The following CFAP74 variants were observed in gnomAD, a reference collection of about 807,000 sequenced individuals.
CFAP74 encodes the protein cilia- and flagella-associated protein 74.
In CFAP74, 124 loss-of-function variants were observed where a neutral mutation model predicts 188.9. The observed-to-expected ratio is 0.66, with a 90% confidence interval of 0.57 to 0.76. The LOEUF (loss-of-function observed/expected upper bound fraction) is 0.76. CFAP74 is among the 30% of genes least tolerant of loss of function. The pLI, the probability that CFAP74 is intolerant of heterozygous loss-of-function variation, is 0.00. For missense variants in CFAP74, 2,198 were observed against 2,165.2 expected (o/e 1.02, Z -0.30); for synonymous variants, 956 against 916.7 (o/e 1.04, Z -0.77).
Position 1,955,324 on chromosome 1 carries a change from C to T in CFAP74, c.2176+367G>A, listed in dbSNP as rs889598305. ...TTCTCGGCACCTCTCCCCGCTGGTG[C>T]GCGTCTAACAACAGCCACAGCTGCA... On this transcript the variant is annotated intron_variant, in intron 18 of 38. Coordinates refer to ENST00000682832, the MANE Select transcript of CFAP74 (RefSeq NM_001304360.2). The T allele has an allele frequency of 7.6e-6, 10 of 1,309,974 alleles. No individual in the cohort carries two copies. The African/African-American group carries it at 1.3e-4, about 18-fold the overall frequency. 81.1% of individuals were successfully genotyped at this position (1,309,974 alleles called of 1,614,324 possible).
At chr1:1,956,233 G>C (rs560570352) in intron 17 of CFAP74, among the ~76,000 whole-genome samples, 2 of 152,166 alleles carry the variant, frequency 1.3e-5, no homozygotes, top group African/African-American at 4.8e-5. Context: ...GACAAGACGC[G>C]CTCACACTTG....
chr1:1,981,913 G>A (rs1328143897), intron 6 of CFAP74, among the ~76,000 whole-genome samples: 2 of 65,100 alleles, frequency 3.1e-5, no homozygotes, highest in South Asian at 6.7e-4. Flanking sequence ...ACGGGGGCAC[G>A]CAGGACACAC....
chr1:1,946,931 G>C, intron 19 of CFAP74, 59 bp downstream of exon 19: 2 of 1,337,562 alleles, frequency 1.5e-6, no homozygotes, highest in East Asian at 2.5e-5. Context: ...GCTGGGGCTG[G>C]GGGAAGGTGG....
intron 2 of CFAP74, 38 bp from the exon 3 acceptor site, chr1:1,989,011 C>G (rs760504206): frequency 1.6e-5 from 15 of 951,186 alleles, no homozygotes; most frequent in Non-Finnish European, 2.3e-5. Flanking sequence ...AAAAAAAAAG[C>G]AGATCAAACA....
Position 1,923,509 on chromosome 1 carries a change from A to G in CFAP74, c.4390-10T>C. On this transcript the variant is annotated splice_polypyrimidine_tract_variant and intron_variant, in intron 35 of 38. Transcript: ENST00000682832. The surrounding 1 kb of genome is among the most constrained non-coding windows in gnomAD (Gnocchi z 6.3). ...TCTGGTGGGAGATTTTCTGGGGACA[A>G]GAAGTGGAGTGGCCTTGTCCCCGAA... 3 of 1,605,074 alleles carry G rather than the reference A, an allele frequency of 1.9e-6. No homozygotes were observed. In the East Asian group the frequency reaches 6.7e-5, roughly 36 times the overall value.
intron 18 of CFAP74, 66 bp downstream of exon 18, chr1:1,955,625 C>G: frequency 1.9e-6 from 3 of 1,613,154 alleles, no homozygotes; most frequent in Non-Finnish European, 2.5e-6. Flanking sequence ...CCCTCAGCCC[C>G]CTGGAATGCT....
In CFAP74 at chr1:1,923,459, T is replaced by C; in HGVS notation, c.4430A>G (p.Gln1477Arg). The change falls in exon 36 of 39, where the codon CAG becomes CGG. Residue 1477 changes from glutamine (Q) to arginine (R), a missense_variant. Physicochemically the swap from Gln to Arg is conservative, Grantham distance 43. Coordinates refer to ENST00000682832, the MANE Select transcript of CFAP74 (RefSeq NM_001304360.2). This position sits in a 1 kb window ranked among gnomAD's most constrained non-coding sequence, Gnocchi z 6.3. ...GCCGCCCTCCACGAACATCATGTGC[T>C]GACAGGCGGCACCCTTCAGCAGGAT... ...HQILLKGAAC[Q>R]HMMFVEGGDP... 6.2e-7 allele frequency: 1 copy of C among 1,611,830 alleles called. No homozygotes were observed. The highest frequency in any genetic ancestry group is 8.5e-7 in the Non-Finnish European group (1 of 1,179,508).
chr1:1,949,148 C>CCTTT (rs1250364955), intron 18 of CFAP74, among the ~76,000 whole-genome samples: 2 of 107,498 alleles, frequency 1.9e-5, no homozygotes, highest in East Asian at 3.3e-4. Context: ...TCCCTCCCTT[C>CCTTT]CTTCCCCTCC....
chr1:1,940,250 G>T, intron 23 of CFAP74, 66 bp downstream of exon 23: 2 of 1,286,616 alleles, frequency 1.6e-6, no homozygotes, highest in East Asian at 2.5e-5. Flanking sequence ...GCTGGGCCTG[G>T]CCTCCCAGGA....
chr1:1,975,182 C>A lies in CFAP74; in HGVS notation c.501-984G>T, dbSNP rs74827459. The stretch of plus-strand genomic sequence containing the variant: ...TCGTTAAAAGCTTTTCCTGTGGAGC[C>A]GAGTCCAGTCTCTCTCCCCACTGCA... On this transcript the variant is annotated intron_variant, in intron 6 of 38. Coordinates refer to ENST00000682832, the MANE Select transcript of CFAP74 (RefSeq NM_001304360.2). The surrounding 1 kb of genome is among the most constrained non-coding windows in gnomAD (Gnocchi z 4.5). 9.2e-4 allele frequency among the ~76,000 whole-genome samples: 140 copies of A among 152,344 alleles called. No individual in the cohort carries two copies. Among genetic ancestry groups the A allele is most frequent in the African/African-American group, 3.2e-3 (135 of 41,590 alleles).
intron 1 of CFAP74, 33 bp from the exon 2 acceptor site, chr1:1,991,008 A>G: frequency 7.2e-7 from 1 of 1,392,084 alleles, no homozygotes. Context: ...ATAGATCAAT[A>G]AAATCATAGA....
rs1207334551 is a variant in CFAP74, at chr1:1,956,621, A to G, written c.2015T>C (p.Leu672Ser). The change falls in exon 17 of 39, where the codon TTA becomes TCA. Residue 672 changes from leucine (L) to serine (S), a missense_variant and splice_region_variant. Coordinates refer to ENST00000682832, the MANE Select transcript of CFAP74 (RefSeq NM_001304360.2). ...CCCATGGCTGAGTGGCACACTCACTAATTTCAGGGCAGACTGGGAGTCGTC... is the reference window on the plus strand; with the variant it reads ...CCCATGGCTGAGTGGCACACTCACTGATTTCAGGGCAGACTGGGAGTCGTC... The part of the protein sequence containing the change: ...EMDDSQSALK[L>S]SSLLTYEDKS... 6.2e-7 allele frequency: 1 copy of G among 1,614,134 alleles called. No individual in the cohort carries two copies. The highest frequency in any genetic ancestry group is 1.7e-5 in the Admixed American group (1 of 60,026).
At chr1:1,947,712 C>T (rs1485869032) in intron 18 of CFAP74, among the ~76,000 whole-genome samples, 1 of 152,258 alleles carries the variant, frequency 6.6e-6, no homozygotes, top group Non-Finnish European at 1.5e-5. Context: ...GCTGGGCCAC[C>T]AGCCAGGCCA....
At chr1:1,962,111 A>G (rs1655129503) in intron 14 of CFAP74, among the ~76,000 whole-genome samples, 1 of 152,244 alleles carries the variant, frequency 6.6e-6, no homozygotes, top group Non-Finnish European at 1.5e-5. Context: ...TCCTGGACCT[A>G]CAAACCTGTC....
intron 6 of CFAP74, among the ~76,000 whole-genome samples, chr1:1,977,644 G>A (rs781191140): frequency 2.0e-5 from 3 of 152,214 alleles, no homozygotes; most frequent in Non-Finnish European, 2.9e-5. Flanking sequence ...GCAGAGGGAA[G>A]AGCCTGTCCG....
Position 1,956,657 on chromosome 1 carries a change from G to T in CFAP74, c.1979C>A (p.Pro660His). The change falls in exon 17 of 39, where the codon CCC (proline) becomes CAC (histidine). Residue 660 changes from proline (P) to histidine (H), a missense_variant. By Grantham distance (77) the Pro-to-His change is moderately conservative (BLOSUM62 -2). Transcript: ENST00000682832. ...TTFKFLPASE[P>H]CEMDDSQSAL... The stretch of plus-strand genomic sequence containing the variant: ...AGACTGGGAGTCGTCCATCTCACAG[G>T]GCTCTGAAGCTGGCAGGAACTTGAA... 6.2e-7 allele frequency: 1 copy of T among 1,614,150 alleles called. No individual in the cohort carries two copies. The highest frequency in any genetic ancestry group is 8.5e-7 in the Non-Finnish European group (1 of 1,180,028).
Position 1,923,662 on chromosome 1 carries a change from TC to T in CFAP74, c.4389+112del. 6.5e-7 allele frequency: 1 copy of T among 1,549,840 alleles called. No individual in the cohort carries two copies. Among genetic ancestry groups the T allele is most frequent in the Non-Finnish European group, 8.8e-7 (1 of 1,130,900 alleles). ...TGACGGCCCTCAGTGTGGTGCTGAG[TC>T]CCCCAGCCATGGTACCCTCAGGGCC... On this transcript the variant is annotated intron_variant, in intron 35 of 38. Coordinates refer to ENST00000682832, the MANE Select transcript of CFAP74 (RefSeq NM_001304360.2). This position sits in a 1 kb window ranked among gnomAD's most constrained non-coding sequence, Gnocchi z 6.3.
chr1:1,958,131 A>G (rs928018999), intron 16 of CFAP74, among the ~76,000 whole-genome samples: 9 of 152,238 alleles, frequency 5.9e-5, no homozygotes, highest in Non-Finnish European at 1.3e-4. Flanking sequence ...AGGAGGAAGC[A>G]CGCGACAGAG....
chr1:1,993,851 G>T (rs190843391), intron 1 of CFAP74, among the ~76,000 whole-genome samples: 3 of 150,740 alleles, frequency 2.0e-5, no homozygotes, highest in Admixed American at 6.6e-5. Flanking sequence ...GCGTGGTGGC[G>T]GGCGCCTATA....
Sources: allele counts gnomAD v4.1 joint callset (sites outside exome capture counted in the v4.1 genomes callset), GRCh38; gene constraint gnomAD v4.1.1; non-coding constraint Gnocchi (gnomAD v3.1); transcripts MANE v1.5; gene names NCBI Gene and HGNC (gene_info 2026-07-23, HGNC 2026-07-21).